Variants in COX6A1 observed in about 807,000 individuals in gnomAD.
The protein encoded by COX6A1 is cytochrome c oxidase subunit 6A1, mitochondrial.
A neutral mutation model predicts 11.3 loss-of-function variants in COX6A1; 10 were observed. The ratio of observed to expected loss-of-function variants is 0.88; its 90% CI spans 0.54 to 1.50. COX6A1 has a LOEUF of 1.50. Among genes scored for constraint, COX6A1 ranks in the 40% most tolerant of loss-of-function variants. The probability of loss-of-function intolerance (pLI) is 0.00; values close to 1 mark genes in which losing one functional copy is unlikely to be tolerated. For synonymous variants in COX6A1, 81 were observed against 60.6 expected (o/e 1.34, Z -1.57); for missense variants, 149 against 147.6 (o/e 1.01, Z -0.05).
intron 2 of COX6A1, among the ~76,000 whole-genome samples, chr12:120,439,299 G>C (rs992449977): frequency 6.6e-6 from 1 of 152,174 alleles, no homozygotes; most frequent in South Asian, 2.1e-4. Flanking sequence ...GGCCAAGGTG[G>C]GTGGATCGCC....
Position 120,440,628 on chromosome 12 carries a change from C to T in COX6A1, c.*91C>T. ...ATGGACCAGAAAAAGTATATGGGAC[C>T]TTAAGCTCACCTTCTTTACTTGTAT... On this transcript the variant is annotated 3_prime_UTR_variant, in exon 3 of 3. Coordinates refer to ENST00000229379, the MANE Select transcript of COX6A1 (RefSeq NM_004373.4). The T allele has an allele frequency of 3.3e-5, 28 of 847,154 alleles. 2 individuals are homozygous for T. The South Asian group carries it at 4.0e-4, about 12-fold the overall frequency. 52.5% of individuals were successfully genotyped at this position (847,154 alleles called of 1,614,324 possible). A position where few individuals can be genotyped will look rare whatever the true frequency, so the allele number is the denominator to read the frequency against.
chr12:120,439,774 G>A (rs1230257018), intron 2 of COX6A1, among the ~76,000 whole-genome samples: 2 of 152,070 alleles, frequency 1.3e-5, no homozygotes, highest in Non-Finnish European at 2.9e-5. Flanking sequence ...TTGGGGCTGG[G>A]TAATTCTTGT....
chr12:120,439,418 T>C (rs1877660738), intron 2 of COX6A1, among the ~76,000 whole-genome samples: 1 of 151,820 alleles, frequency 6.6e-6, no homozygotes, highest in African/African-American at 2.4e-5. Flanking sequence ...TCCCAGCTAC[T>C]CGGGAGGCTG....
At chr12:120,438,771 T>C (rs1056858006) in intron 2 of COX6A1, 1 of 358,960 alleles carries the variant, frequency 2.8e-6, no homozygotes, top group Non-Finnish European at 5.1e-6. Context: ...TCCTACCTCC[T>C]GCCTTCTGAG....
intron 2 of COX6A1, chr12:120,438,727 T>TA: frequency 1.7e-6 from 1 of 582,040 alleles, no homozygotes. Context: ...GGTCATACAA[T>TA]AAGTGCTCTT....
intron 2 of COX6A1, chr12:120,440,224 T>G: frequency 2.4e-6 from 1 of 421,552 alleles, no homozygotes; most frequent in Non-Finnish European, 4.4e-6. Context: ...CTGCCATCCA[T>G]ATTTGTTTCT....
In COX6A1 at chr12:120,438,161, TGCTGGGTCGGTCCCGCCCACA is replaced by T. The variant is rs1326121307; in HGVS notation, c.42_62del (p.Ser16_Arg22del). ...GTTGGTGTGTCCTCGGTTTCTCGGCTGCTGGGTCGGTCCCGCCCACAGCTGGGGCGGCCTATGTCGAGTGGC... is the reference window on the plus strand; with the variant it reads ...GTTGGTGTGTCCTCGGTTTCTCGGCTGCTGGGGCGGCCTATGTCGAGTGGC... On this transcript the variant is annotated inframe_deletion, in exon 1 of 3. Transcript: ENST00000229379. 1.9e-6 allele frequency: 3 copies of T among 1,613,874 alleles called. No individual in the cohort carries two copies.
intron 2 of COX6A1, among the ~76,000 whole-genome samples, chr12:120,439,249 A>C (rs544824469): frequency 6.6e-6 from 1 of 152,218 alleles, no homozygotes; most frequent in Admixed American, 6.5e-5. Flanking sequence ...AATACTGGCC[A>C]TGCGCGGTGG....
chr12:120,438,645 G>GAAAA, intron 2 of COX6A1, 124 bp downstream of exon 2: 1 of 1,357,010 alleles, frequency 7.4e-7, no homozygotes, highest in South Asian at 1.2e-5. Context: ...CTCACAAACA[G>GAAAA]AAAATGTATT....
chr12:120,438,840 T>A (rs541992520), intron 2 of COX6A1: 69 of 259,770 alleles, frequency 2.7e-4, no homozygotes, highest in South Asian at 2.6e-3. Flanking sequence ...CTGAAACAGG[T>A]GTCCGTTGTG....
intron 2 of COX6A1, among the ~76,000 whole-genome samples, chr12:120,439,200 G>T (rs899734722): frequency 6.6e-6 from 1 of 152,164 alleles, no homozygotes; most frequent in African/African-American, 2.4e-5. Flanking sequence ...GTCCTCTGTT[G>T]TTTGCTGTAT....
chr12:120,438,316 G>T, intron 1 of COX6A1, 63 bp from the exon 2 acceptor site: 1 of 1,613,610 alleles, frequency 6.2e-7, no homozygotes. Flanking sequence ...AGGCCTTGCG[G>T]GAGGGAAAGT....
intron 2 of COX6A1, among the ~76,000 whole-genome samples, chr12:120,439,098 T>A (rs1215477534): frequency 1.3e-5 from 2 of 152,166 alleles, no homozygotes; most frequent in Non-Finnish European, 1.5e-5. Flanking sequence ...AGTTGCATAA[T>A]GAAGAGACTG....
intron 2 of COX6A1, chr12:120,438,763 C>T (rs1877641356): frequency 2.0e-6 from 1 of 493,012 alleles, no homozygotes; most frequent in African/African-American, 2.0e-5. Flanking sequence ...CCGATTCATC[C>T]TACCTCCTGC....
At chr12:120,438,555 C>T in intron 2 of COX6A1, 34 bp downstream of exon 2, 1 of 1,614,160 alleles carries the variant, frequency 6.2e-7, no homozygotes, top group Non-Finnish European at 8.5e-7. Context: ...AGCGTCCGTT[C>T]TCTTTTCGTT....
intron 2 of COX6A1, chr12:120,438,818 T>C: frequency 3.2e-6 from 1 of 313,326 alleles, no homozygotes; most frequent in Non-Finnish European, 5.9e-6. Context: ...TTTTTTTACT[T>C]CTGAGACAGT....
At chr12:120,440,333 T>C in intron 2 of COX6A1, 121 bp from the exon 3 acceptor site, 1 of 695,250 alleles carries the variant, frequency 1.4e-6, no homozygotes, top group Non-Finnish European at 2.5e-6. Flanking sequence ...CACCAGTAGA[T>C]AAAGGACTAA....
In COX6A1 at chr12:120,440,455, C is replaced by T. The variant is rs773886058; in HGVS notation, c.248C>T (p.Pro83Leu). The change falls in exon 3 of 3, where the codon CCG (proline) becomes CTG (leucine). Residue 83 changes from proline to leucine, a missense_variant and splice_region_variant. Transcript: ENST00000229379. Reference sequence around the variant, plus strand: ...CTAACTGACATCTTCACTCCACAGCCGTTTCCCTGGGGAGATGGTAACCAT... The same window carrying T: ...CTAACTGACATCTTCACTCCACAGCTGTTTCCCTGGGGAGATGGTAACCAT... Reference protein sequence around the residue: ...AYPHLRIRTKPFPWGDGNHTL... With the variant: ...AYPHLRIRTKLFPWGDGNHTL... The T allele has an allele frequency of 8.1e-6, 13 of 1,611,242 alleles. No individual in the cohort carries two copies. The highest frequency in any genetic ancestry group is 4.5e-5 in the East Asian group (2 of 44,886).
intron 1 of COX6A1, 75 bp downstream of exon 1, chr12:120,438,304 C>G: frequency 6.2e-7 from 1 of 1,613,130 alleles, no homozygotes; most frequent in South Asian, 1.1e-5. Context: ...GACCTTGGCC[C>G]GAGGCCTTGC....
Sources: gnomAD v4.1 joint callset for allele counts (sites outside exome capture counted in the v4.1 genomes callset) on GRCh38, gnomAD v4.1.1 for gene constraint, MANE v1.5 for transcripts, NCBI Gene and HGNC (gene_info 2026-07-23, HGNC 2026-07-21) for gene names.